Variants in SYNE2 observed in about 807,000 individuals in gnomAD.
SYNE2 encodes the protein nesprin-2.
In SYNE2, 431 loss-of-function variants were observed where a neutral mutation model predicts 856.3. The ratio of observed to expected loss-of-function variants is 0.50; its 90% CI spans 0.47 to 0.55. The LOEUF (loss-of-function observed/expected upper bound fraction) is 0.55, where lower values mean the gene tolerates loss of function less well. Ranked by LOEUF, SYNE2 falls within the 20% of genes least tolerant of loss-of-function variation. The probability of loss-of-function intolerance (pLI) is 0.00; values close to 1 mark genes in which losing one functional copy is unlikely to be tolerated. For missense variants in SYNE2, 8,129 were observed against 8,023.2 expected (o/e 1.01, Z -0.50); for synonymous variants, 2,923 against 2,872.3 (o/e 1.02, Z -0.56).
At chr14:64,160,791 T>G (rs1448034390) in intron 87 of SYNE2, among the ~76,000 whole-genome samples, 3 of 152,244 alleles carry the variant, frequency 2.0e-5, no homozygotes, top group Non-Finnish European at 4.4e-5. Flanking sequence ...GACTCTGTAA[T>G]TCTCCCAGAA....
At chr14:63,948,734 G>GTGTATATA (rs1296695009) in intron 6 of SYNE2, among the ~76,000 whole-genome samples, 3 of 57,496 alleles carry the variant, frequency 5.2e-5, no homozygotes, top group African/African-American at 1.9e-4. Flanking sequence ...ATATATATGT[G>GTGTATATA]TATAGATATG....
intron 96 of SYNE2, among the ~76,000 whole-genome samples, chr14:64,179,667 C>T (rs550586976): frequency 6.6e-6 from 1 of 152,064 alleles, no homozygotes; most frequent in African/African-American, 2.4e-5. Context: ...ACATTTTTTT[C>T]ATATTTGCCC....
chr14:64,104,712 A>G (rs2097760155), intron 64 of SYNE2, among the ~76,000 whole-genome samples: 2 of 151,794 alleles, frequency 1.3e-5, no homozygotes, highest in Non-Finnish European at 2.9e-5. Flanking sequence ...TGGCCTCCCA[A>G]AGTGCTGGGA....
Position 63,778,119 on chromosome 14 carries a change from G to T in SYNE2, c.-305+16133G>T, listed in dbSNP as rs146817885. On this transcript the variant is annotated intron_variant, in intron 1 of 23. Transcript: ENST00000674003. ...AGGTGTTGAGGGAGGAGGCTGGTGG[G>T]CGGTGACTGGATCATGGGGGCATTT... Among the ~76,000 whole-genome samples, 1,167 of 152,258 alleles carry T rather than the reference G, an allele frequency of 7.7e-3. 5 individuals are homozygous for T. Among genetic ancestry groups the T allele is most frequent in the Non-Finnish European group, 0.013 (865 of 68,030 alleles).
chr14:64,153,559 C>T (rs576283172), intron 85 of SYNE2, among the ~76,000 whole-genome samples: 1 of 152,306 alleles, frequency 6.6e-6, no homozygotes, highest in South Asian at 2.1e-4. Flanking sequence ...CAGCCTCATT[C>T]CTCAGTCCTC....
chr14:64,038,577 C>T (rs905180977), intron 45 of SYNE2, among the ~76,000 whole-genome samples: 4 of 152,244 alleles, frequency 2.6e-5, no homozygotes, highest in Admixed American at 6.5e-5. Flanking sequence ...AACTAGACTC[C>T]GTCTGCAATC....
chr14:64,132,912 T>A (rs2184288), intron 77 of SYNE2, among the ~76,000 whole-genome samples: 35,202 of 151,846 alleles, frequency 0.23, 6,732 homozygotes, highest in African/African-American at 0.53. Context: ...GGAAATAAAA[T>A]AGGAAGGAGG....
intron 78 of SYNE2, among the ~76,000 whole-genome samples, chr14:64,135,878 G>A (rs941523424): frequency 3.9e-5 from 6 of 152,146 alleles, no homozygotes; most frequent in Admixed American, 2.0e-4. Context: ...TTGATCAGCC[G>A]TCGTCTGTGG....
chr14:64,224,866 C>T, intron 114 of SYNE2, 133 bp from the exon 115 acceptor site: 2 of 828,706 alleles, frequency 2.4e-6, no homozygotes, highest in East Asian at 5.3e-5. Flanking sequence ...AATTGTATTA[C>T]TCTAGTCTCC....
chr14:63,998,265 C>G lies in SYNE2; in HGVS notation c.3290C>G (p.Pro1097Arg), dbSNP rs2096728087. The G allele has an allele frequency of 6.2e-7, 1 of 1,613,888 alleles. No homozygotes were observed. The highest frequency in any genetic ancestry group is 8.5e-7 in the Non-Finnish European group (1 of 1,179,950). The change falls in exon 26 of 116, where the codon CCT becomes CGT. Residue 1097 changes from proline (P) to arginine (R), a missense_variant. Physicochemically the swap from Pro to Arg is moderately radical, Grantham distance 103. Around this residue, in one of 3 missense-constraint regions of SYNE2, gnomAD observed 2,422 missense variants for 2,357.4 expected, o/e 1.03. Coordinates refer to ENST00000555002, the MANE Select transcript of SYNE2 (RefSeq NM_182914.3). The part of the protein sequence containing the change: ...MKFSLASVLR[P>R]LQEESIMEKD... ...TTTAGCCTGGCATCAGTGTTAAGGC[C>G]TCTGCAAGAAGAAAGCATTATGGAA...
intron 85 of SYNE2, among the ~76,000 whole-genome samples, chr14:64,156,640 G>A (rs1567491564): frequency 6.6e-6 from 1 of 151,460 alleles, no homozygotes; most frequent in Non-Finnish European, 1.5e-5. Context: ...TGTATTATTA[G>A]TAGAGACAGG....
intron 48 of SYNE2, 113 bp downstream of exon 48, chr14:64,053,770 C>T (rs776585795): frequency 2.5e-4 from 257 of 1,044,672 alleles, no homozygotes; most frequent in Middle Eastern, 6.4e-4. Context: ...TAGAGACCAG[C>T]CTGGCCAACA....
At chr14:63,949,730 G>A (rs2096120705) in intron 6 of SYNE2, 95 bp from the exon 7 acceptor site, 1 of 1,228,766 alleles carries the variant, frequency 8.1e-7, no homozygotes, top group African/African-American at 1.5e-5. Context: ...GACTGTCACA[G>A]GATGCTTTTT....
intron 96 of SYNE2, among the ~76,000 whole-genome samples, chr14:64,180,550 G>T (rs1461002429): frequency 1.7e-4 from 26 of 151,334 alleles, no homozygotes; most frequent in Admixed American, 2.0e-4. Context: ...TGTCACCCAG[G>T]CTGGCGTGCA....
rs1332555211 is a variant in SYNE2 at position 64,090,902 on chromosome 14, A to G, written c.11830A>G (p.Ile3944Val). 2 of 1,614,032 alleles carry G rather than the reference A, an allele frequency of 1.2e-6. No homozygotes were observed. Among genetic ancestry groups the G allele is most frequent in the South Asian group, 1.1e-5 (1 of 91,080 alleles). ...AAATATACGTCCCATGAAGAAAACC[A>G]TTGCTGAGATAGTGTCTTACCAAGT... Reference protein sequence around the residue: ...LENIRPMKKTIAEIVSYQVEL... With the variant: ...LENIRPMKKTVAEIVSYQVEL... The change falls in exon 60 of 116, where the codon ATT becomes GTT. Residue 3944 changes from isoleucine (I) to valine (V), a missense_variant. Coordinates refer to ENST00000555002, the MANE Select transcript of SYNE2 (RefSeq NM_182914.3).
intron 57 of SYNE2, 82 bp from the exon 58 acceptor site, chr14:64,087,589 A>AT (rs1205215815): frequency 6.8e-7 from 1 of 1,463,472 alleles, no homozygotes; most frequent in South Asian, 1.2e-5. Context: ...ATAACTTTCA[A>AT]TTTTCTCTGA....
intron 96 of SYNE2, 109 bp downstream of exon 96, chr14:64,177,592 CAG>C (rs2098440761): frequency 7.1e-7 from 1 of 1,410,686 alleles, no homozygotes; most frequent in South Asian, 1.2e-5. Context: ...CATTTTCAAT[CAG>C]AAAATATTTT....
intron 1 of SYNE2, among the ~76,000 whole-genome samples, chr14:63,805,895 TTTTCTAAGTATAAAATCA>T: frequency 6.6e-6 from 1 of 152,200 alleles, no homozygotes; most frequent in East Asian, 1.9e-4. Context: ...GGCCATGGGG[TTTTCTAAGTATAAAATCA>T]TATCATCTGT....
Position 64,030,314 on chromosome 14 carries a change from C to T in SYNE2, c.6879+255C>T, listed in dbSNP as rs545428788. Among the ~76,000 whole-genome samples, 3 of 152,292 alleles carry T rather than the reference C, an allele frequency of 2.0e-5. No individual in the cohort carries two copies. The South Asian group carries it at 6.2e-4, about 32-fold the overall frequency. ...CACTAGACTGTAGCACCTTGAAAGG[C>T]CTGTATGTTACTTCTTTATGTAACT... On this transcript the variant is annotated intron_variant, in intron 44 of 115. Coordinates refer to ENST00000555002, the MANE Select transcript of SYNE2 (RefSeq NM_182914.3).
Sources: gnomAD v4.1 joint callset for allele counts (sites outside exome capture counted in the v4.1 genomes callset) on GRCh38, gnomAD v4.1.1 for gene constraint, gnomAD v4.1.1 regional missense constraint, MANE v1.5 for transcripts, NCBI Gene and HGNC (gene_info 2026-07-23, HGNC 2026-07-21) for gene names.